Variants in CTNNA3 observed in about 807,000 individuals in gnomAD.
CTNNA3 encodes catenin alpha 3.
A neutral mutation model predicts 95.7 loss-of-function variants in CTNNA3; 76 were observed. That is an observed-to-expected ratio of 0.79 (90% CI 0.66 to 0.96). The LOEUF (loss-of-function observed/expected upper bound fraction) is 0.96, where lower values mean the gene tolerates loss of function less well. Among genes scored for constraint, CTNNA3 ranks in the 40% least tolerant of loss-of-function variants. The pLI is 0.00. For synonymous variants in CTNNA3, 431 were observed against 374.4 expected (o/e 1.15, Z -1.74); for missense variants, 1,191 against 1,089.8 (o/e 1.09, Z -1.31).
At chr10:67,667,943 T>C in intron 1 of CTNNA3, among the ~76,000 whole-genome samples, 1 of 152,222 alleles carries the variant, frequency 6.6e-6, no homozygotes, top group East Asian at 1.9e-4. Flanking sequence ...AAGTCAGTTT[T>C]GCCAGTAATT....
intron 6 of CTNNA3, among the ~76,000 whole-genome samples, chr10:67,207,983 A>G (rs1189744762): frequency 6.6e-6 from 1 of 152,190 alleles, no homozygotes; most frequent in Non-Finnish European, 1.5e-5. Context: ...ACATCAACAG[A>G]ATTAGAGTCC....
intron 9 of CTNNA3, among the ~76,000 whole-genome samples, chr10:66,743,163 C>T (rs2132703211): frequency 6.6e-6 from 1 of 152,262 alleles, no homozygotes; most frequent in East Asian, 1.9e-4. Context: ...CACCTCCCCA[C>T]TGGCTGATTA....
In CTNNA3 at chr10:66,005,674, T is replaced by C. The variant is rs1023829853; in HGVS notation, c.2160-16877A>G. 3.9e-5 allele frequency among the ~76,000 whole-genome samples: 6 copies of C among 152,222 alleles called. No individual in the cohort carries two copies. In the South Asian group the frequency reaches 1.2e-3, roughly 32 times the overall value. ...TTCCCTCTCCTGGTGTTACACATTA[T>C]ATAAATACTCCTTGAAAGCACATAA... On this transcript the variant is annotated intron_variant, in intron 15 of 17. Coordinates refer to ENST00000433211, the MANE Select transcript of CTNNA3 (RefSeq NM_013266.4).
intron 3 of CTNNA3, among the ~76,000 whole-genome samples, chr10:67,562,973 C>A (rs1164447008): frequency 1.3e-5 from 2 of 151,992 alleles, no homozygotes; most frequent in Non-Finnish European, 2.9e-5. Context: ...CAAACTACTG[C>A]TCAATGAAAT....
In CTNNA3 at chr10:66,078,309, T is replaced by C. The variant is rs550007546; in HGVS notation, c.1978-8820A>G. On this transcript the variant is annotated intron_variant, in intron 14 of 17. Transcript: ENST00000433211. ...GTCATCTTCCCATTCTCTCATTCAT[T>C]CCTTCACCTATTCCTTTTCTGTAGA... 8.4e-4 allele frequency among the ~76,000 whole-genome samples: 127 copies of C among 152,030 alleles called. 2 individuals are homozygous for C. Among genetic ancestry groups the C allele is most frequent in the African/African-American group, 2.9e-3 (122 of 41,566 alleles).
intron 7 of CTNNA3, among the ~76,000 whole-genome samples, chr10:67,094,117 C>T (rs1263812004): frequency 6.6e-6 from 1 of 151,850 alleles, no homozygotes; most frequent in Non-Finnish European, 1.5e-5. Context: ...ATATTACAAA[C>T]AATATATGTA....
intron 10 of CTNNA3, among the ~76,000 whole-genome samples, chr10:66,570,832 A>G (rs1271800912): frequency 6.6e-6 from 1 of 152,108 alleles, no homozygotes; most frequent in Non-Finnish European, 1.5e-5. Flanking sequence ...AAAAAACAAT[A>G]TTTACTAGCT....
At chr10:66,734,270 AAAC>A (rs1849059364) in intron 9 of CTNNA3, among the ~76,000 whole-genome samples, 1 of 151,964 alleles carries the variant, frequency 6.6e-6, no homozygotes, top group East Asian at 1.9e-4. Flanking sequence ...CATATAATCT[AAAC>A]AACACCTTTT....
intron 12 of CTNNA3, among the ~76,000 whole-genome samples, chr10:66,302,446 G>A (rs2091874997): frequency 6.6e-6 from 1 of 152,078 alleles, no homozygotes. Flanking sequence ...AATCATGACA[G>A]CATTGTGTTT....
chr10:66,822,237 G>A (rs777766025), intron 7 of CTNNA3, among the ~76,000 whole-genome samples: 18 of 151,652 alleles, frequency 1.2e-4, no homozygotes, highest in Admixed American at 2.0e-4. Flanking sequence ...TGATTCTACG[G>A]ATGACAAATA....
chr10:66,576,717 T>A (rs1843014606), intron 10 of CTNNA3, among the ~76,000 whole-genome samples: 1 of 152,096 alleles, frequency 6.6e-6, no homozygotes, highest in South Asian at 2.1e-4. Context: ...CACAATTTCT[T>A]TATCTGGTCC....
At chr10:67,227,827 T>C (rs867412810) in intron 5 of CTNNA3, among the ~76,000 whole-genome samples, 1 of 151,804 alleles carries the variant, frequency 6.6e-6, no homozygotes, top group African/African-American at 2.4e-5. Context: ...TTTAAGAAAA[T>C]TGAAATTATA....
intron 13 of CTNNA3, among the ~76,000 whole-genome samples, chr10:66,245,907 G>A (rs1274244731): frequency 6.6e-6 from 1 of 152,206 alleles, no homozygotes; most frequent in Non-Finnish European, 1.5e-5. Flanking sequence ...ACCTCTGGCT[G>A]AGACTTTGGC....
chr10:66,859,319 G>GA (rs1270172710), intron 7 of CTNNA3, among the ~76,000 whole-genome samples: 1 of 151,188 alleles, frequency 6.6e-6, no homozygotes, highest in Non-Finnish European at 1.5e-5. Flanking sequence ...AAATTTACAA[G>GA]AAAAAAACAA....
In CTNNA3 at chr10:67,180,311, A is replaced by AC; in HGVS notation, c.1047+5dup. On this transcript the variant is annotated splice_donor_region_variant and intron_variant, in intron 7 of 17. Transcript: ENST00000433211. Reference sequence around the variant, plus strand: ...CTAGGGATGGGAAGGCAAACCAGTCACCTACGTTGTTCATGTACTCTGAAA... The same window carrying AC: ...CTAGGGATGGGAAGGCAAACCAGTCACCCTACGTTGTTCATGTACTCTGAAA... 1 of 1,612,602 alleles carries AC rather than the reference A, an allele frequency of 6.2e-7. No individual in the cohort carries two copies. The highest frequency in any genetic ancestry group is 1.3e-5 in the African/African-American group (1 of 74,988).
intron 5 of CTNNA3, among the ~76,000 whole-genome samples, chr10:67,247,065 T>A (rs1200420118): frequency 1.3e-5 from 2 of 152,196 alleles, no homozygotes; most frequent in African/African-American, 4.8e-5. Flanking sequence ...AGTGAAAAAC[T>A]GAATGCCTTC....
upstream of CTNNA3, among the ~76,000 whole-genome samples, chr10:67,698,758 T>C (rs1363435831): frequency 1.3e-5 from 2 of 152,104 alleles, no homozygotes; most frequent in Non-Finnish European, 2.9e-5. Flanking sequence ...TTCAAAAATA[T>C]GTGATAAATA....
At chr10:66,818,426 C>T (rs924797954) in intron 7 of CTNNA3, among the ~76,000 whole-genome samples, 8 of 152,088 alleles carry the variant, frequency 5.3e-5, no homozygotes, top group Admixed American at 1.3e-4. Flanking sequence ...TGCAAGGTTG[C>T]AGGATGTAAG....
At chr10:67,241,781 T>C (rs1464178804) in intron 5 of CTNNA3, among the ~76,000 whole-genome samples, 1 of 152,228 alleles carries the variant, frequency 6.6e-6, no homozygotes, top group African/African-American at 2.4e-5. Context: ...TATCCCTTGT[T>C]GTCAAAAGAA....
Sources: allele counts gnomAD v4.1 joint callset (sites outside exome capture counted in the v4.1 genomes callset), GRCh38; gene constraint gnomAD v4.1.1; transcripts MANE v1.5; gene names NCBI Gene and HGNC (gene_info 2026-07-23, HGNC 2026-07-21).